CTIF: variants seen among roughly 807,000 people sequenced by gnomAD.
CTIF encodes cap binding complex dependent translation initiation factor, also known as CBP80/20-dependent translation initiation factor.
Under a neutral mutation model 66.0 loss-of-function variants are expected in CTIF, and 21 were observed. That is an observed-to-expected ratio of 0.32 (90% CI 0.23 to 0.46). CTIF has a LOEUF of 0.46. Among genes scored for constraint, CTIF ranks in the 20% least tolerant of loss-of-function variants. The pLI is 1.00. For synonymous variants in CTIF, 345 were observed against 326.4 expected, an observed-to-expected ratio of 1.06 and a Z score of -0.62; for missense variants, 739 against 812.7, an observed-to-expected ratio of 0.91 and a Z score of 1.10.
intron 9 of CTIF, among the ~76,000 whole-genome samples, chr18:48,780,554 C>T (rs1271043929): frequency 6.6e-6 from 1 of 152,152 alleles, no homozygotes; most frequent in Non-Finnish European, 1.5e-5. Context: ...GCACCTCTGC[C>T]GCGTCGGTTC....
At position 48,691,253 on chromosome 18, in the gene CTIF, G is replaced by A. The variant is rs576568060; in HGVS notation, c.508-20366G>A. 3.2e-4 allele frequency among the ~76,000 whole-genome samples: 48 copies of A among 152,262 alleles called. No individual in the cohort carries two copies. In the South Asian group the frequency reaches 8.9e-3, roughly 28 times the overall value. On this transcript the variant is annotated intron_variant, in intron 6 of 11. Transcript: ENST00000256413. ...CTGGGAATCCACTTGACTTCCAGAC[G>A]TCTAGAAACAAAGGGATTGTGCCCA...
At chr18:48,624,867 AG>A (rs1357545297) in intron 2 of CTIF, among the ~76,000 whole-genome samples, 2 of 152,204 alleles carry the variant, frequency 1.3e-5, no homozygotes, top group African/African-American at 4.8e-5. Flanking sequence ...ATTCTTGTTA[AG>A]GGGTCAAATT....
chr18:48,665,950 G>A (rs923223305), intron 5 of CTIF, among the ~76,000 whole-genome samples: 1 of 152,126 alleles, frequency 6.6e-6, no homozygotes, highest in Non-Finnish European at 1.5e-5. Flanking sequence ...GTCCTTGCTT[G>A]TAATTACTTG....
chr18:48,590,119 CG>C (rs2089857988), intron 1 of CTIF, among the ~76,000 whole-genome samples: 1 of 152,142 alleles, frequency 6.6e-6, no homozygotes, highest in Non-Finnish European at 1.5e-5. Flanking sequence ...TTCAGGGGTG[CG>C]GGGGCGTGGT....
At chr18:48,743,197 G>A (rs4939803) in intron 7 of CTIF, among the ~76,000 whole-genome samples, 13,053 of 152,188 alleles carry the variant, frequency 0.086, 662 homozygotes, top group South Asian at 0.19. Context: ...GGCAGCTCCT[G>A]CAGCTTGCAG....
At chr18:48,742,594 C>T (rs999006629) in intron 7 of CTIF, among the ~76,000 whole-genome samples, 5 of 152,360 alleles carry the variant, frequency 3.3e-5, no homozygotes, top group South Asian at 2.1e-4. Flanking sequence ...ACAGCAGCAG[C>T]GGGATCAACT....
intron 10 of CTIF, among the ~76,000 whole-genome samples, chr18:48,833,707 G>A (rs371276269): frequency 5.3e-5 from 8 of 152,230 alleles, no homozygotes; most frequent in Non-Finnish European, 1.0e-4. Context: ...GGTCACTGGC[G>A]CCACCAAACT....
At chr18:48,604,204 C>T (rs1336474071) in intron 1 of CTIF, among the ~76,000 whole-genome samples, 48 of 86,596 alleles carry the variant, frequency 5.5e-4, no homozygotes, top group African/African-American at 1.8e-3. Flanking sequence ...TGAGACGGGT[C>T]TCGCTCTGTT....
intron 7 of CTIF, chr18:48,755,763 T>C (rs1283511134): frequency 1.3e-5 from 2 of 152,260 alleles, no homozygotes; most frequent in African/African-American, 4.8e-5. Flanking sequence ...AGGGTATGCC[T>C]AGTCAGCAGG....
At chr18:48,716,934 G>A (rs1310129291) in intron 7 of CTIF, among the ~76,000 whole-genome samples, 1 of 152,228 alleles carries the variant, frequency 6.6e-6, no homozygotes, top group Non-Finnish European at 1.5e-5. Context: ...CCCAGCTAGT[G>A]TCAGATGGCT....
intron 6 of CTIF, among the ~76,000 whole-genome samples, chr18:48,680,545 C>T (rs1306922731): frequency 3.3e-5 from 5 of 152,262 alleles, no homozygotes; most frequent in Non-Finnish European, 7.3e-5. Flanking sequence ...GCCCTGTCGA[C>T]GGATGCCCAG....
At chr18:48,783,353 A>G (rs1161076372) in intron 9 of CTIF, among the ~76,000 whole-genome samples, 3 of 152,160 alleles carry the variant, frequency 2.0e-5, no homozygotes, top group Non-Finnish European at 4.4e-5. Flanking sequence ...CATCCTTCCT[A>G]CCATATTGGC....
chr18:48,775,242 C>T (rs1242276955), intron 9 of CTIF, among the ~76,000 whole-genome samples: 3 of 152,264 alleles, frequency 2.0e-5, no homozygotes, highest in Non-Finnish European at 4.4e-5. Context: ...CTCCTGCCTA[C>T]TGCACTGACA....
At chr18:48,726,592 A>G (rs1324432095) in intron 7 of CTIF, among the ~76,000 whole-genome samples, 1 of 152,148 alleles carries the variant, frequency 6.6e-6, no homozygotes, top group African/African-American at 2.4e-5. Flanking sequence ...ACCTCTTCAT[A>G]GGGCTGTTCA....
intron 1 of CTIF, chr18:48,565,349 T>C (rs1326557433): frequency 6.6e-6 from 1 of 152,240 alleles, no homozygotes; most frequent in East Asian, 1.9e-4. Context: ...AAATCGCTGG[T>C]GTGCTGTAGC....
At chr18:48,773,476 C>G (rs533889506) in intron 9 of CTIF, among the ~76,000 whole-genome samples, 1 of 152,238 alleles carries the variant, frequency 6.6e-6, no homozygotes, top group Non-Finnish European at 1.5e-5. Flanking sequence ...CACCACCACC[C>G]CCACCAGCCA....
intron 9 of CTIF, among the ~76,000 whole-genome samples, chr18:48,762,226 T>A (rs1007617817): frequency 6.6e-6 from 1 of 152,148 alleles, no homozygotes; most frequent in Admixed American, 6.5e-5. Flanking sequence ...TGCAAGACTG[T>A]CTTCATCCTT....
intron 6 of CTIF, among the ~76,000 whole-genome samples, chr18:48,695,074 G>C (rs985767714): frequency 6.6e-6 from 1 of 152,164 alleles, no homozygotes; most frequent in African/African-American, 2.4e-5. Context: ...GTACTGATCA[G>C]ATTCACATGA....
At chr18:48,569,209 C>T (rs545841116) in intron 1 of CTIF, among the ~76,000 whole-genome samples, 40 of 152,254 alleles carry the variant, frequency 2.6e-4, no homozygotes, top group African/African-American at 4.8e-4. Context: ...CTTCAACTTA[C>T]GAATTTGGTG....
Sources: allele counts gnomAD v4.1 joint callset (sites outside exome capture counted in the v4.1 genomes callset), GRCh38; gene constraint gnomAD v4.1.1; transcripts MANE v1.5; gene names NCBI Gene and HGNC (gene_info 2026-07-23, HGNC 2026-07-21).